DLGAP2: variants seen among roughly 807,000 people sequenced by gnomAD.
DLGAP2 encodes DLG associated protein 2.
A neutral mutation model predicts 100.3 loss-of-function variants in DLGAP2; 26 were observed. That is an observed-to-expected ratio of 0.26 (90% CI 0.19 to 0.36). The LOEUF (loss-of-function observed/expected upper bound fraction) is 0.36. DLGAP2 is among the 10% of genes least tolerant of loss of function. The pLI is 1.00. For missense variants in DLGAP2, 1,858 were observed against 1,453.2 expected (o/e 1.28, Z -4.53); for synonymous variants, 886 against 630.1 (o/e 1.41, Z -6.08).
At chr8:1,098,032 A>G (rs375168359) in intron 2 of DLGAP2, among the ~76,000 whole-genome samples, 1 of 152,266 alleles carries the variant, frequency 6.6e-6, no homozygotes, top group African/African-American at 2.4e-5. Context: ...CTCTTCTCTT[A>G]CTACGTTGAC....
At chr8:1,591,791 A>G (rs1156255070) in intron 6 of DLGAP2, among the ~76,000 whole-genome samples, 1 of 152,128 alleles carries the variant, frequency 6.6e-6, no homozygotes, top group African/African-American at 2.4e-5. Flanking sequence ...ACCCATCCCC[A>G]GCAGAGGGAA....
At chr8:1,067,641 G>GTGTC (rs1156705675) in intron 2 of DLGAP2, among the ~76,000 whole-genome samples, 1 of 150,064 alleles carries the variant, frequency 6.7e-6, no homozygotes, top group East Asian at 2.0e-4. Context: ...GTGTGTGTGT[G>GTGTC]TGTGTGACTT....
intron 2 of DLGAP2, among the ~76,000 whole-genome samples, chr8:1,061,205 C>T (rs977570025): frequency 2.6e-5 from 4 of 152,156 alleles, no homozygotes; most frequent in East Asian, 1.9e-4. Context: ...GTGGAATCGT[C>T]GCCCATCCCT....
intron 1 of DLGAP2, among the ~76,000 whole-genome samples, chr8:801,617 C>T (rs181381156): frequency 6.8e-4 from 103 of 152,246 alleles, no homozygotes; most frequent in East Asian, 7.7e-4. Context: ...GCTCGCTGGA[C>T]GGTGGGGCTG....
chr8:802,529 C>G (rs1051733076), intron 1 of DLGAP2, among the ~76,000 whole-genome samples: 45 of 152,306 alleles, frequency 3.0e-4, no homozygotes, highest in African/African-American at 1.1e-3. Flanking sequence ...CCCAGATTGG[C>G]TCATCCAGTC....
chr8:920,771 C>T (rs989769460), intron 2 of DLGAP2, among the ~76,000 whole-genome samples: 3 of 152,036 alleles, frequency 2.0e-5, no homozygotes, highest in Non-Finnish European at 4.4e-5. Flanking sequence ...GGTGACAGAG[C>T]GGAACCCTGT....
intron 2 of DLGAP2, among the ~76,000 whole-genome samples, chr8:1,205,816 G>C (rs1462916185): frequency 6.6e-6 from 1 of 152,300 alleles, no homozygotes; most frequent in Non-Finnish European, 1.5e-5. Context: ...CAGTCCGCCT[G>C]AGTGAGAATA....
intron 2 of DLGAP2, among the ~76,000 whole-genome samples, chr8:1,177,355 C>T (rs1189108787): frequency 6.6e-6 from 1 of 152,012 alleles, no homozygotes; most frequent in Non-Finnish European, 1.5e-5. Flanking sequence ...GCTGTTTTAT[C>T]AGGTTTACCA....
At chr8:1,441,137 A>C (rs1797818175) in intron 3 of DLGAP2, among the ~76,000 whole-genome samples, 1 of 152,234 alleles carries the variant, frequency 6.6e-6, no homozygotes, top group Non-Finnish European at 1.5e-5. Flanking sequence ...TTGAGGAAGT[A>C]TTATCTAAAC....
At chr8:1,061,452 T>G (rs1378268180) in intron 2 of DLGAP2, among the ~76,000 whole-genome samples, 4 of 152,096 alleles carry the variant, frequency 2.6e-5, no homozygotes. Context: ...AGTTAGAATT[T>G]ACAGTTATAA....
intron 3 of DLGAP2, among the ~76,000 whole-genome samples, chr8:1,489,539 G>C (rs946064119): frequency 6.6e-6 from 1 of 152,176 alleles, no homozygotes; most frequent in Non-Finnish European, 1.5e-5. Context: ...TTCAGATACT[G>C]TCTTTTCCAA....
At chr8:1,446,996 A>G (rs1484597775) in intron 3 of DLGAP2, among the ~76,000 whole-genome samples, 1 of 152,168 alleles carries the variant, frequency 6.6e-6, no homozygotes, top group Non-Finnish European at 1.5e-5. Flanking sequence ...TTTTGGGCTG[A>G]GACAATGGGG....
intron 3 of DLGAP2, among the ~76,000 whole-genome samples, chr8:1,457,139 C>A (rs1296540385): frequency 1.3e-5 from 2 of 152,156 alleles, no homozygotes; most frequent in Non-Finnish European, 2.9e-5. Context: ...TCAGTGTATC[C>A]TATATTCAAG....
At chr8:1,245,418 G>A (rs569097686) in intron 2 of DLGAP2, among the ~76,000 whole-genome samples, 43 of 152,330 alleles carry the variant, frequency 2.8e-4, no homozygotes, top group African/African-American at 7.9e-4. Context: ...TAGCAATAAA[G>A]GAATGGAGCA....
intron 6 of DLGAP2, among the ~76,000 whole-genome samples, chr8:1,612,413 C>T (rs1389465398): frequency 3.9e-5 from 5 of 127,666 alleles, no homozygotes; most frequent in Admixed American, 8.3e-5. Context: ...AAGATTTAAA[C>T]GTTAGACCTA....
rs112584440 is a variant in DLGAP2, at chr8:852,159, A to C, written c.19-55753A>C. Among the ~76,000 whole-genome samples, 470 of 152,178 alleles carry C rather than the reference A, an allele frequency of 3.1e-3. 3 individuals are homozygous for C. The highest frequency in any genetic ancestry group is 0.014 in the South Asian group (68 of 4,828). On this transcript the variant is annotated intron_variant, in intron 1 of 14. Coordinates refer to ENST00000637795, the MANE Select transcript of DLGAP2 (RefSeq NM_001346810.2). ...GGGACACATTGGAAGCTAAAAAAAA[A>C]ACATGTCAAAAACAGTTTAAAGAAT... is the stretch of plus-strand genomic sequence containing the variant.
intron 1 of DLGAP2, among the ~76,000 whole-genome samples, chr8:858,821 G>T (rs974830604): frequency 6.6e-6 from 1 of 152,224 alleles, no homozygotes; most frequent in African/African-American, 2.4e-5. Context: ...ACATGCCACC[G>T]TGCATTTCTC....
At chr8:841,482 C>T (rs1207742560) in intron 1 of DLGAP2, among the ~76,000 whole-genome samples, 1 of 152,184 alleles carries the variant, frequency 6.6e-6, no homozygotes, top group Non-Finnish European at 1.5e-5. Flanking sequence ...GTGAAACTGG[C>T]ATTTCAAGAA....
intron 3 of DLGAP2, among the ~76,000 whole-genome samples, chr8:1,498,454 GT>G (rs1799614761): frequency 6.6e-6 from 1 of 152,244 alleles, no homozygotes; most frequent in African/African-American, 2.4e-5. Context: ...ATGTGCCCGA[GT>G]CAGGTTGGAA....
Sources: gnomAD v4.1 joint callset for allele counts (sites outside exome capture counted in the v4.1 genomes callset) on GRCh38, gnomAD v4.1.1 for gene constraint, MANE v1.5 for transcripts, NCBI Gene and HGNC (gene_info 2026-07-23, HGNC 2026-07-21) for gene names.